Variants in RASGRF2 observed in about 807,000 individuals in gnomAD.
RASGRF2 encodes Ras protein specific guanine nucleotide releasing factor 2.
In RASGRF2, 76 loss-of-function variants were observed where a neutral mutation model predicts 151.0. The observed-to-expected ratio is 0.50, with a 90% CI of 0.42 to 0.61. RASGRF2 has a LOEUF of 0.61. RASGRF2 is among the 20% of genes least tolerant of loss of function. The pLI is 0.00. For missense variants in RASGRF2, 1,148 were observed against 1,564.6 expected, an observed-to-expected ratio of 0.73 and a Z score of 4.49; for synonymous variants, 504 against 566.5, an observed-to-expected ratio of 0.89 and a Z score of 1.57.
intron 17 of RASGRF2, among the ~76,000 whole-genome samples, chr5:81,169,215 A>C (rs1157407048): frequency 6.6e-6 from 1 of 151,886 alleles, no homozygotes; most frequent in Non-Finnish European, 1.5e-5. Context: ...ATCATCATCT[A>C]CCCAGCTGAA....
At chr5:81,004,709 G>C (rs1291444101) in intron 1 of RASGRF2, among the ~76,000 whole-genome samples, 1 of 152,228 alleles carries the variant, frequency 6.6e-6, no homozygotes, top group African/African-American at 2.4e-5. Flanking sequence ...CATTCCATCA[G>C]TTGAAATGGC....
chr5:81,005,610 A>C (rs532733151), intron 1 of RASGRF2, among the ~76,000 whole-genome samples: 1 of 152,330 alleles, frequency 6.6e-6, no homozygotes, highest in East Asian at 1.9e-4. Context: ...CATTGTATGG[A>C]TATACCACAT....
chr5:81,154,283 G>T (rs1053624205), intron 17 of RASGRF2, among the ~76,000 whole-genome samples: 10 of 152,290 alleles, frequency 6.6e-5, no homozygotes, highest in African/African-American at 2.4e-4. Flanking sequence ...GACAGAGTCT[G>T]TCTGTGATCC....
At chr5:81,172,839 T>G (rs948220933) in intron 17 of RASGRF2, among the ~76,000 whole-genome samples, 1 of 152,094 alleles carries the variant, frequency 6.6e-6, no homozygotes, top group African/African-American at 2.4e-5. Context: ...CCAGAAAGAA[T>G]GCCCTCTCAT....
chr5:80,962,160 G>T (rs1400516171), intron 1 of RASGRF2, among the ~76,000 whole-genome samples: 3 of 152,180 alleles, frequency 2.0e-5, no homozygotes, highest in Admixed American at 6.5e-5. Context: ...AGACCGACCG[G>T]AAGTTTGAGT....
chr5:81,193,999 A>G (rs1324554762), intron 18 of RASGRF2, among the ~76,000 whole-genome samples: 1 of 152,124 alleles, frequency 6.6e-6, no homozygotes, highest in Non-Finnish European at 1.5e-5. Flanking sequence ...GGAAATCATG[A>G]TAGTAAATAT....
intron 2 of RASGRF2, among the ~76,000 whole-genome samples, chr5:81,065,259 A>T (rs1157595670): frequency 6.6e-6 from 1 of 152,184 alleles, no homozygotes; most frequent in Non-Finnish European, 1.5e-5. Flanking sequence ...CACTGTATTC[A>T]TTTTCTATTC....
chr5:81,095,374 A>G (rs914322157), intron 12 of RASGRF2, among the ~76,000 whole-genome samples: 5 of 152,222 alleles, frequency 3.3e-5, no homozygotes, highest in African/African-American at 1.2e-4. Context: ...AAAAACAGCC[A>G]ACATAGGGCT....
chr5:81,168,234 C>T (rs1313675415), intron 17 of RASGRF2, among the ~76,000 whole-genome samples: 3 of 151,828 alleles, frequency 2.0e-5, no homozygotes, highest in East Asian at 1.9e-4. Context: ...CTGCAGTTAC[C>T]CTTTTCTCTA....
chr5:81,185,934 G>C (rs1755016071), intron 18 of RASGRF2, among the ~76,000 whole-genome samples: 1 of 152,208 alleles, frequency 6.6e-6, no homozygotes, highest in Non-Finnish European at 1.5e-5. Context: ...GGTGGGGAAG[G>C]ATAGGCTATC....
intron 1 of RASGRF2, among the ~76,000 whole-genome samples, chr5:81,010,153 CA>C (rs10942939): frequency 0.26 from 34,213 of 130,358 alleles, 4,216 homozygotes; most frequent in South Asian, 0.33. Context: ...GATTTCATCT[CA>C]AAAAAAAAAA....
At chr5:81,125,402 A>G (rs79277373) in intron 16 of RASGRF2, among the ~76,000 whole-genome samples, 2,851 of 152,276 alleles carry the variant, frequency 0.019, 83 homozygotes, top group African/African-American at 0.065. Context: ...TTAAGGCTCC[A>G]AGTCAGTTAT....
At chr5:81,164,885 T>TA (rs1754469849) in intron 17 of RASGRF2, among the ~76,000 whole-genome samples, 2 of 152,150 alleles carry the variant, frequency 1.3e-5, no homozygotes, top group Admixed American at 6.5e-5. Flanking sequence ...GGCTCTCAAA[T>TA]ATGTTTTAAG....
intron 9 of RASGRF2, among the ~76,000 whole-genome samples, chr5:81,088,760 T>G (rs7730744): frequency 0.044 from 6,754 of 152,240 alleles, 484 homozygotes; most frequent in African/African-American, 0.15. Context: ...AACGTAAACT[T>G]TTTTAGGTCT....
At chr5:81,179,101 A>G (rs574773327) in intron 17 of RASGRF2, among the ~76,000 whole-genome samples, 1 of 152,286 alleles carries the variant, frequency 6.6e-6, no homozygotes, top group African/African-American at 2.4e-5. Flanking sequence ...GTTTAAAGGA[A>G]ATGTGATTTC....
chr5:81,109,083 G>C lies in RASGRF2; in HGVS notation c.1838+5G>C, dbSNP rs1752925986. On this transcript the variant is annotated splice_donor_5th_base_variant and intron_variant, in intron 13 of 26. Coordinates refer to ENST00000265080, the MANE Select transcript of RASGRF2 (RefSeq NM_006909.3). The stretch of plus-strand genomic sequence containing the variant: ...CACTGTGCCACATATGATTAAGTAA[G>C]TGTGAGAATCCTTTCCTTTACATTT... 2 of 1,607,712 alleles carry C rather than the reference G, an allele frequency of 1.2e-6. No homozygotes were observed. Among genetic ancestry groups the C allele is most frequent in the Non-Finnish European group, 1.7e-6 (2 of 1,175,498 alleles).
chr5:80,976,610 C>T (rs1748123341), intron 1 of RASGRF2, among the ~76,000 whole-genome samples: 2 of 152,104 alleles, frequency 1.3e-5, no homozygotes, highest in Admixed American at 1.3e-4. Context: ...TGGGGAACAG[C>T]AGTCTGTGTC....
intron 12 of RASGRF2, among the ~76,000 whole-genome samples, chr5:81,105,378 G>A (rs541837387): frequency 4.6e-5 from 7 of 152,190 alleles, no homozygotes; most frequent in African/African-American, 1.4e-4. Flanking sequence ...TTATGACCCA[G>A]GTCTGTGACT....
chr5:81,095,000 A>G lies in RASGRF2; in HGVS notation c.1755+8A>G. On this transcript the variant is annotated splice_region_variant and intron_variant, in intron 12 of 26. Coordinates refer to ENST00000265080, the MANE Select transcript of RASGRF2 (RefSeq NM_006909.3). Reference sequence around the variant, plus strand: ...ATGAGTGACATCAGTCAGGTAAGAAAGTGGCTTTTGCCAAATTTTTGTTTT... The same window carrying G: ...ATGAGTGACATCAGTCAGGTAAGAAGGTGGCTTTTGCCAAATTTTTGTTTT... 2 of 1,428,520 alleles carry G rather than the reference A, an allele frequency of 1.4e-6. No homozygotes were observed. The highest frequency in any genetic ancestry group is 1.7e-5 in the South Asian group (1 of 59,316). 88.5% of individuals were successfully genotyped at this position (1,428,520 alleles called of 1,614,324 possible).
Sources: gnomAD v4.1 joint callset for allele counts (sites outside exome capture counted in the v4.1 genomes callset) on GRCh38, gnomAD v4.1.1 for gene constraint, MANE v1.5 for transcripts, NCBI Gene and HGNC (gene_info 2026-07-23, HGNC 2026-07-21) for gene names.